SUCO: variants seen among roughly 807,000 people sequenced by gnomAD.
The protein encoded by SUCO is SUN domain-containing ossification factor.
In SUCO, 57 loss-of-function variants were observed where a neutral mutation model predicts 148.1. The observed-to-expected ratio is 0.38, with a 90% CI of 0.31 to 0.48. SUCO has a LOEUF of 0.48. SUCO is among the 20% of genes least tolerant of loss of function. The pLI, the probability that SUCO is intolerant of heterozygous loss-of-function variation, is 0.96. For missense variants in SUCO, 1,331 were observed against 1,468.2 expected (o/e 0.91, Z 1.53); for synonymous variants, 470 against 502.7 (o/e 0.93, Z 0.87).
At chr1:172,575,288 C>A (rs556947618) in intron 10 of SUCO, among the ~76,000 whole-genome samples, 7 of 152,014 alleles carry the variant, frequency 4.6e-5, no homozygotes, top group East Asian at 3.9e-4. Flanking sequence ...TGGTACTGGT[C>A]CTACTTTTTG....
At chr1:172,549,073 A>T (rs1653083218) in intron 1 of SUCO, among the ~76,000 whole-genome samples, 1 of 151,856 alleles carries the variant, frequency 6.6e-6, no homozygotes, top group South Asian at 2.1e-4. Context: ...TTAATAACAT[A>T]ATGTTTTCCA....
At chr1:172,602,982 T>C in intron 22 of SUCO, 195 bp downstream of exon 22, 1 of 505,464 alleles carries the variant, frequency 2.0e-6, no homozygotes, top group Non-Finnish European at 3.5e-6. Flanking sequence ...GCCCAGAGGG[T>C]AGGGAGGGGG....
Position 172,533,477 on chromosome 1 carries a change from C to G in SUCO, c.42C>G (p.Leu14=), listed in dbSNP as rs45505403. 4.5e-6 allele frequency: 7 copies of G among 1,564,748 alleles called. No homozygotes were observed. The South Asian group carries it at 7.1e-5, about 16-fold the overall frequency. Reference sequence around the variant, plus strand: ...GGGCCTTGGCCCTGGTCTCCTGCCTCTTTCTGTGCTCTCTGGTCTGGTGAG... The same window carrying G: ...GGGCCTTGGCCCTGGTCTCCTGCCTGTTTCTGTGCTCTCTGGTCTGGTGAG... ...HRRALALVSC[L]FLCSLVWLPS... Residue 14 remains leucine (L), a synonymous_variant, in exon 1 of 24, where the codon CTC becomes CTG. Transcript: ENST00000263688.
At chr1:172,562,543 G>A (rs114928568) in intron 6 of SUCO, among the ~76,000 whole-genome samples, 195 of 152,196 alleles carry the variant, frequency 1.3e-3, no homozygotes, top group African/African-American at 4.6e-3. Context: ...TGTTGGCCAT[G>A]GCCAGGATGG....
Position 172,574,812 on chromosome 1 carries a change from C to T in SUCO, c.1158-706C>T, listed in dbSNP as rs986676603. 7.4e-6 allele frequency: 6 copies of T among 816,002 alleles called. No homozygotes were observed. In the East Asian group the frequency reaches 4.9e-4, roughly 67 times the overall value. 50.5% of individuals were successfully genotyped at this position (816,002 alleles called of 1,614,324 possible). On this transcript the variant is annotated intron_variant, in intron 10 of 23. Coordinates refer to ENST00000263688, the MANE Select transcript of SUCO (RefSeq NM_014283.5). ...GTTTTCCTTGGTGTTTCTTCCTCCA[C>T]CTCACACTCAGCACTGCATATATAC...
chr1:172,570,340 A>G, intron 8 of SUCO, 169 bp downstream of exon 8: 1 of 499,652 alleles, frequency 2.0e-6, no homozygotes. Flanking sequence ...TCTTACTTAT[A>G]TTGGCTGATG....
Position 172,588,171 on chromosome 1 carries a change from G to GTGTGTGTGCGT in SUCO, c.1659-581_1659-571dup, listed in dbSNP as rs963285327. 5 of 985,168 alleles carry GTGTGTGTGCGT rather than the reference G, an allele frequency of 5.1e-6. No individual in the cohort carries two copies. In the African/African-American group the frequency reaches 8.7e-5, roughly 17 times the overall value. 61.0% of individuals were successfully genotyped at this position (985,168 alleles called of 1,614,324 possible). A position where few individuals can be genotyped will look rare whatever the true frequency, so the allele number is the denominator to read the frequency against. ...AGTAGATAATCCTATGTGTGTAGGT[G>GTGTGTGTGCGT]TGTGTGTGCGTTGTGTGTTTAATGC... is the stretch of plus-strand genomic sequence containing the variant. On this transcript the variant is annotated intron_variant, in intron 17 of 23. Transcript: ENST00000263688.
rs1433488336 is a variant in SUCO, at chr1:172,579,247, ATCT to A, written c.1483_1485del (p.Leu495del). 8.1e-6 allele frequency: 13 copies of A among 1,599,828 alleles called. No individual in the cohort carries two copies. The highest frequency in any genetic ancestry group is 1.1e-5 in the South Asian group (1 of 90,346). ...ACTGGAGAGGATAAATCCTCAAAAA[ATCT>A]TCTTGGTTCTGCTACAAGTGAGTAT... On this transcript the variant is annotated inframe_deletion, in exon 15 of 24. Transcript: ENST00000263688.
intron 19 of SUCO, among the ~76,000 whole-genome samples, chr1:172,598,670 G>A (rs1657290571): frequency 6.6e-6 from 1 of 152,156 alleles, no homozygotes; most frequent in African/African-American, 2.4e-5. Flanking sequence ...AAAGACTTAT[G>A]TGAGTACTTT....
rs779788898 is a variant in SUCO, at chr1:172,589,383, C to T, written c.2282C>T (p.Pro761Leu). 6.2e-6 allele frequency: 10 copies of T among 1,613,530 alleles called. No individual in the cohort carries two copies. The African/African-American group carries it at 1.1e-4, about 17-fold the overall frequency. Residue 761 changes from proline (P) to leucine (L), a missense_variant, in exon 18 of 24, where the codon CCA (proline) becomes CTA (leucine). By Grantham distance (98) the Pro-to-Leu change is moderately conservative. This residue lies in a region of SUCO where 992 missense variants were observed against 1,093.5 expected (regional missense o/e 0.91). Transcript: ENST00000263688. ...GTTGAATATGAGGCAGGACATATACCATCACCAGTGATTCCCCAAGAGAGT... is the reference window on the plus strand; with the variant it reads ...GTTGAATATGAGGCAGGACATATACTATCACCAGTGATTCCCCAAGAGAGT... ...ESVEYEAGHI[P>L]SPVIPQESSV...
chr1:172,575,676 T>G (rs1655384068), intron 11 of SUCO, 53 bp downstream of exon 11: 1 of 1,229,116 alleles, frequency 8.1e-7, no homozygotes. Context: ...TACGTGTTAT[T>G]CACACTTTAT....
chr1:172,575,459 A>T, intron 10 of SUCO, 59 bp from the exon 11 acceptor site: 2 of 1,225,840 alleles, frequency 1.6e-6, no homozygotes, highest in Middle Eastern at 4.0e-4. Flanking sequence ...AATATGATAG[A>T]ACCTTTCAAT....
chr1:172,538,230 C>T (rs1266107022), intron 1 of SUCO, among the ~76,000 whole-genome samples: 1 of 150,878 alleles, frequency 6.6e-6, no homozygotes, highest in East Asian at 1.9e-4. Flanking sequence ...CGTGGTCCCA[C>T]TAGAAGAGAG....
At chr1:172,590,354 G>T (rs1016572776) in intron 18 of SUCO, 25 of 985,070 alleles carry the variant, frequency 2.5e-5, no homozygotes, top group African/African-American at 3.5e-5. Context: ...GACTGAACTG[G>T]ATGATTGGGC....
chr1:172,560,846 A>G (rs574583086), intron 6 of SUCO, among the ~76,000 whole-genome samples: 10 of 152,256 alleles, frequency 6.6e-5, no homozygotes, highest in Non-Finnish European at 1.5e-4. Flanking sequence ...ACTTCTTCCC[A>G]TTCATGGCCA....
intron 6 of SUCO, among the ~76,000 whole-genome samples, chr1:172,566,377 A>T (rs1371662401): frequency 6.6e-6 from 1 of 152,070 alleles, no homozygotes; most frequent in African/African-American, 2.4e-5. Flanking sequence ...CTGTTGCATC[A>T]TCTTGCCTCT....
chr1:172,602,536 T>G (rs1278480368), intron 21 of SUCO, 160 bp from the exon 22 acceptor site: 1 of 984,004 alleles, frequency 1.0e-6, no homozygotes, highest in African/African-American at 1.7e-5. Context: ...CAAAGATCTC[T>G]AAATTTTTTT....
chr1:172,585,670 G>T (rs1482712553), intron 16 of SUCO, among the ~76,000 whole-genome samples, 188 bp from the exon 17 acceptor site: 1 of 151,986 alleles, frequency 6.6e-6, no homozygotes. Context: ...ATTGAGAAAC[G>T]ATATATATTA....
chr1:172,539,278 T>C (rs1293858221), intron 1 of SUCO, among the ~76,000 whole-genome samples: 1 of 152,238 alleles, frequency 6.6e-6, no homozygotes, highest in Non-Finnish European at 1.5e-5. Flanking sequence ...TTTAGTAGTT[T>C]ATACATAACT....
Sources: allele counts gnomAD v4.1 joint callset (sites outside exome capture counted in the v4.1 genomes callset), GRCh38; gene constraint gnomAD v4.1.1; regional missense constraint gnomAD v4.1.1; transcripts MANE v1.5; gene names NCBI Gene and HGNC (gene_info 2026-07-23, HGNC 2026-07-21).